Variants in SYNE2 observed in about 807,000 individuals in gnomAD.
The protein encoded by SYNE2 is spectrin repeat containing nuclear envelope protein 2.
SYNE2 carries 431 observed loss-of-function variants against 856.3 expected under a neutral mutation model. That is an observed-to-expected ratio of 0.50 (90% confidence interval 0.47 to 0.55). SYNE2 has a LOEUF of 0.55. Among genes scored for constraint, SYNE2 ranks in the 20% least tolerant of loss-of-function variants. The pLI is 0.00. For missense variants in SYNE2, 8,129 were observed against 8,023.2 expected, an observed-to-expected ratio of 1.01 and a Z score of -0.50; for synonymous variants, 2,923 against 2,872.3, an observed-to-expected ratio of 1.02 and a Z score of -0.56.
In SYNE2 at chr14:63,928,765, A is replaced by AT. The variant is rs1410044698; in HGVS notation, c.80-11843dup. ...TCTGTCAGATGACAGCTTGATTAAG[A>AT]TTTTTTGGGTGGGCTGTTGGAACAC... On this transcript the variant is annotated intron_variant, in intron 2 of 115. Transcript: ENST00000555002. 3.3e-5 allele frequency among the ~76,000 whole-genome samples: 5 copies of AT among 152,242 alleles called. No individual in the cohort carries two copies. In the South Asian group the frequency reaches 6.2e-4, roughly 19 times the overall value.
At chr14:64,209,161 C>G (rs1268551583) in intron 101 of SYNE2, 1 of 827,446 alleles carries the variant, frequency 1.2e-6, no homozygotes, top group Admixed American at 2.3e-5. Context: ...TGGCTGTGGA[C>G]TGGCCGCTGT....
intron 2 of SYNE2, among the ~76,000 whole-genome samples, chr14:63,919,393 A>G (rs2095570033): frequency 6.6e-6 from 1 of 152,238 alleles, no homozygotes; most frequent in South Asian, 2.1e-4. Flanking sequence ...TGCAAAGTGC[A>G]GCATGGAAGC....
chr14:64,108,855 G>A (rs185140219), intron 65 of SYNE2, among the ~76,000 whole-genome samples: 118 of 152,028 alleles, frequency 7.8e-4, no homozygotes, highest in African/African-American at 2.7e-3. Context: ...TAGTCAGTAT[G>A]TTTTTTTGCT....
chr14:63,840,512 C>CT (rs779817027), intron 1 of SYNE2, among the ~76,000 whole-genome samples: 2,332 of 120,406 alleles, frequency 0.019, 93 homozygotes, highest in Middle Eastern at 0.032. Flanking sequence ...TCCTTCCTTC[C>CT]TTTTTTTTTT....
chr14:64,204,770 ACTG>A (rs1255883183), intron 100 of SYNE2, among the ~76,000 whole-genome samples: 1 of 152,212 alleles, frequency 6.6e-6, no homozygotes, highest in Non-Finnish European at 1.5e-5. Context: ...GTTTTCTACT[ACTG>A]CTGTAACAAA....
intron 1 of SYNE2, among the ~76,000 whole-genome samples, chr14:63,814,486 TA>T (rs1888762595): frequency 2.6e-5 from 1 of 39,172 alleles, no homozygotes; most frequent in Non-Finnish European, 6.4e-5. Context: ...TATATATCCT[TA>T]TATATATCCA....
chr14:64,052,273 A>T lies in SYNE2; in HGVS notation c.8360A>T (p.Glu2787Val). ...ARQQSVESLA[E>V]EVKDKVPSLT... ...CAGCAGTCTGTGGAATCGTTGGCTG[A>T]AGAGGTCAAAGATAAGGTTCCTAGC... The change falls in exon 48 of 116, where the codon GAA becomes GTA. Residue 2787 changes from glutamate (E) to valine (V), a missense_variant. Transcript: ENST00000555002. The T allele has an allele frequency of 6.2e-7, 1 of 1,614,222 alleles. No individual in the cohort carries two copies. The highest frequency in any genetic ancestry group is 8.5e-7 in the Non-Finnish European group (1 of 1,180,036).
At chr14:64,037,294 G>A (rs561709488) in intron 45 of SYNE2, among the ~76,000 whole-genome samples, 5,257 of 151,766 alleles carry the variant, frequency 0.035, 310 homozygotes, top group African/African-American at 0.12. Context: ...CGCAGTGTTT[G>A]TGTCCCTGGG....
At chr14:63,816,564 A>G (rs983592322) in intron 1 of SYNE2, among the ~76,000 whole-genome samples, 1 of 152,096 alleles carries the variant, frequency 6.6e-6, no homozygotes, top group East Asian at 1.9e-4. Flanking sequence ...AAATCTAGGA[A>G]GAATTTTCTG....
intron 28 of SYNE2, 56 bp downstream of exon 28, chr14:64,000,775 T>C: frequency 6.6e-7 from 1 of 1,515,252 alleles, no homozygotes; most frequent in East Asian, 2.3e-5. Context: ...AATCCTGTAA[T>C]GCCATTTTAA....
At chr14:64,130,896 AAAAG>A (rs1235770559) in intron 76 of SYNE2, among the ~76,000 whole-genome samples, 3 of 152,046 alleles carry the variant, frequency 2.0e-5, no homozygotes, top group Non-Finnish European at 2.9e-5. Flanking sequence ...AAAAAAAAAA[AAAAG>A]AAGAAAAGGC....
intron 1 of SYNE2, among the ~76,000 whole-genome samples, chr14:63,819,857 G>A (rs1889148636): frequency 3.3e-5 from 5 of 152,052 alleles, no homozygotes; most frequent in Admixed American, 3.3e-4. Context: ...CTTTATGCTA[G>A]TAATAAACAA....
At chr14:63,953,170 A>G (rs1388865564) in intron 7 of SYNE2, among the ~76,000 whole-genome samples, 3 of 152,246 alleles carry the variant, frequency 2.0e-5, no homozygotes, top group South Asian at 2.1e-4. Flanking sequence ...TATGATAATT[A>G]CAGTTGGCAA....
In SYNE2 at chr14:64,052,197, C is replaced by A. The variant is rs1488357468; in HGVS notation, c.8284C>A (p.Leu2762Ile). The change falls in exon 48 of 116, where the codon CTT becomes ATT. Residue 2762 changes from leucine (L) to isoleucine (I), a missense_variant. This residue lies in a region of SYNE2 where 5,410 missense variants were observed against 5,284.8 expected (regional missense o/e 1.02). Transcript: ENST00000555002. Reference sequence around the variant, plus strand: ...CATTCCCCTTCTCCCAGATGACATTCTTTCACAGATCAGAAAGTGCAAAGT... The same window carrying A: ...CATTCCCCTTCTCCCAGATGACATTATTTCACAGATCAGAAAGTGCAAAGT... ...PSIPLLPDDI[L>I]SQIRKCKVTH... 2 of 1,614,184 alleles carry A rather than the reference C, an allele frequency of 1.2e-6. No individual in the cohort carries two copies. Among genetic ancestry groups the A allele is most frequent in the South Asian group, 1.1e-5 (1 of 91,090 alleles).
At chr14:64,032,131 T>C (rs1213228872) in intron 45 of SYNE2, among the ~76,000 whole-genome samples, 1 of 152,200 alleles carries the variant, frequency 6.6e-6, no homozygotes, top group Non-Finnish European at 1.5e-5. Flanking sequence ...ACATGCACTT[T>C]TATTGTCTCC....
chr14:63,956,499 A>C (rs1340430213), intron 8 of SYNE2: 1 of 454,130 alleles, frequency 2.2e-6, no homozygotes, highest in Non-Finnish European at 4.4e-6. Flanking sequence ...GTTCCAGCAC[A>C]CTCACTGACC....
intron 2 of SYNE2, among the ~76,000 whole-genome samples, chr14:63,932,697 A>G (rs1218726064): frequency 6.6e-6 from 1 of 152,072 alleles, no homozygotes; most frequent in African/African-American, 2.4e-5. Context: ...CAGAGTTGAG[A>G]CCCTATCTCC....
At chr14:64,130,900 GAAGAA>G (rs1020238124) in intron 76 of SYNE2, among the ~76,000 whole-genome samples, 1 of 145,534 alleles carries the variant, frequency 6.9e-6, no homozygotes, top group African/African-American at 2.5e-5. Flanking sequence ...AAAAAAAAAA[GAAGAA>G]AAGGCTTTCC....
intron 1 of SYNE2, among the ~76,000 whole-genome samples, chr14:63,769,585 C>A (rs886956116): frequency 6.7e-6 from 1 of 149,278 alleles, no homozygotes; most frequent in Non-Finnish European, 1.5e-5. Context: ...AGGTGAATGG[C>A]GTGAACCCGG....
Sources: allele counts gnomAD v4.1 joint callset (sites outside exome capture counted in the v4.1 genomes callset), GRCh38; gene constraint gnomAD v4.1.1; regional missense constraint gnomAD v4.1.1; transcripts MANE v1.5; gene names NCBI Gene and HGNC (gene_info 2026-07-23, HGNC 2026-07-21).